PDE4D: variants seen among roughly 807,000 people sequenced by gnomAD.
PDE4D encodes the protein 3',5'-cyclic-AMP phosphodiesterase 4D.
Under a neutral mutation model 87.4 loss-of-function variants are expected in PDE4D, and 24 were observed. That is an observed-to-expected ratio of 0.27 (90% CI 0.20 to 0.39). PDE4D has a LOEUF of 0.39. Among genes scored for constraint, PDE4D ranks in the 10% least tolerant of loss-of-function variants. The pLI is 1.00. For synonymous variants in PDE4D, 384 were observed against 383.2 expected (o/e 1.00, Z -0.02); for missense variants, 714 against 1,041.0 (o/e 0.69, Z 4.32).
At chr5:59,668,804 A>G (rs868831121) in intron 1 of PDE4D, among the ~76,000 whole-genome samples, 6 of 108,206 alleles carry the variant, frequency 5.5e-5, no homozygotes, top group East Asian at 2.5e-4. Context: ...GAAGAAGAAG[A>G]AAGAAGAAGA....
rs200652041 is a variant in PDE4D, at chr5:60,305,035, C to CTATATA, written c.-89-119349_-89-119348insTATATA. The stretch of plus-strand genomic sequence containing the variant: ...ATTCTCTAGTTATTTTAGTTTTGAG[C>CTATATA]TATACACACACACACACACACACAC... On this transcript the variant is annotated intron_variant, in intron 1 of 16. Coordinates refer to the PDE4D transcript ENST00000502484. 4.1e-3 allele frequency among the ~76,000 whole-genome samples: 456 copies of CTATATA among 111,578 alleles called. 3 individuals carry two copies. Among genetic ancestry groups the CTATATA allele is most frequent in the African/African-American group, 0.013 (428 of 31,966 alleles). The allele number at this position is 111,578 out of a possible 152,430, so 73.2% of individuals were successfully genotyped here.
At chr5:59,681,339 C>T (rs1379083506) in intron 1 of PDE4D, among the ~76,000 whole-genome samples, 2 of 152,134 alleles carry the variant, frequency 1.3e-5, no homozygotes, top group Non-Finnish European at 2.9e-5. Flanking sequence ...GAATTCATGA[C>T]TCCACACAGA....
chr5:59,366,115 C>A (rs560120123), intron 1 of PDE4D, among the ~76,000 whole-genome samples: 65 of 152,114 alleles, frequency 4.3e-4, no homozygotes, highest in Admixed American at 7.2e-4. Context: ...TGTGTATCTA[C>A]TGTTTAGATT....
At chr5:59,091,421 C>T (rs189141564) in intron 5 of PDE4D, among the ~76,000 whole-genome samples, 450 of 152,130 alleles carry the variant, frequency 3.0e-3, no homozygotes, top group Admixed American at 6.5e-3. Flanking sequence ...ATTGTGGTTC[C>T]TTTATACAAC....
At chr5:60,189,376 T>C (rs577783542) in intron 1 of PDE4D, among the ~76,000 whole-genome samples, 14 of 152,294 alleles carry the variant, frequency 9.2e-5, no homozygotes, top group African/African-American at 3.4e-4. Context: ...ATGAAATAAG[T>C]TCTACTTTCA....
chr5:59,043,990 A>G (rs1448035643), intron 5 of PDE4D, among the ~76,000 whole-genome samples: 2 of 152,108 alleles, frequency 1.3e-5, no homozygotes, highest in Admixed American at 6.5e-5. Context: ...AGTCTTTGCT[A>G]TTGTGAATAG....
intron 1 of PDE4D, among the ~76,000 whole-genome samples, chr5:60,206,217 C>G (rs2149558778): frequency 6.6e-6 from 1 of 152,326 alleles, no homozygotes; most frequent in East Asian, 1.9e-4. Context: ...CTTTTGCCAC[C>G]TTTAATCTGA....
At chr5:59,476,080 C>T (rs988582365) in intron 1 of PDE4D, among the ~76,000 whole-genome samples, 1 of 152,018 alleles carries the variant, frequency 6.6e-6, no homozygotes, top group African/African-American at 2.4e-5. Flanking sequence ...CGAGTTTCCT[C>T]CCACCAACCT....
chr5:60,318,158 C>T lies in PDE4D; in HGVS notation c.-89-132471G>A, dbSNP rs573887977. Among the ~76,000 whole-genome samples, 7 of 152,296 alleles carry T rather than the reference C, an allele frequency of 4.6e-5. No individual in the cohort carries two copies. In the South Asian group the frequency reaches 1.5e-3, roughly 32 times the overall value. ...GTCTCTAAGGACTTGCTTTATGAATCTGGGTACTCCTGTATTAGGTGCATA... is the reference window on the plus strand; with the variant it reads ...GTCTCTAAGGACTTGCTTTATGAATTTGGGTACTCCTGTATTAGGTGCATA... On this transcript the variant is annotated intron_variant, in intron 1 of 16. Coordinates refer to the PDE4D transcript ENST00000502484.
intron 1 of PDE4D, among the ~76,000 whole-genome samples, chr5:60,225,792 T>G (rs1213912603): frequency 6.6e-6 from 1 of 152,078 alleles, no homozygotes; most frequent in Non-Finnish European, 1.5e-5. Context: ...AGAATAAAAA[T>G]CTTATGAGAT....
At chr5:59,936,588 G>A (rs1344947663) in intron 3 of PDE4D, among the ~76,000 whole-genome samples, 1 of 152,134 alleles carries the variant, frequency 6.6e-6, no homozygotes, top group Non-Finnish European at 1.5e-5. Flanking sequence ...GATAATAACT[G>A]GGTTCTGAGA....
At chr5:59,979,740 G>A (rs1487991451) in intron 3 of PDE4D, among the ~76,000 whole-genome samples, 1 of 152,074 alleles carries the variant, frequency 6.6e-6, no homozygotes, top group African/African-American at 2.4e-5. Context: ...CTTTCAACTG[G>A]AGGGCAGATT....
intron 1 of PDE4D, among the ~76,000 whole-genome samples, chr5:59,469,496 T>C (rs1160490448): frequency 6.6e-6 from 1 of 152,218 alleles, no homozygotes; most frequent in Non-Finnish European, 1.5e-5. Context: ...AGATACGATG[T>C]CTTTGACTGT....
chr5:59,888,349 G>A (rs144662701), intron 1 of PDE4D, among the ~76,000 whole-genome samples: 2 of 152,226 alleles, frequency 1.3e-5, no homozygotes, highest in Non-Finnish European at 2.9e-5. Flanking sequence ...ATGTAAAAAG[G>A]TGATGGATTC....
intron 2 of PDE4D, among the ~76,000 whole-genome samples, chr5:60,087,038 C>T (rs1255790062): frequency 6.6e-6 from 1 of 152,212 alleles, no homozygotes; most frequent in East Asian, 1.9e-4. Context: ...CTGGTACTCA[C>T]CTGTCTTTAC....
At chr5:59,954,685 C>T (rs1349413979) in intron 3 of PDE4D, among the ~76,000 whole-genome samples, 1 of 152,136 alleles carries the variant, frequency 6.6e-6, no homozygotes, top group Admixed American at 6.5e-5. Flanking sequence ...TTCAGGATAT[C>T]CCTACCATGT....
chr5:59,268,501 C>A (rs907338659), intron 1 of PDE4D, among the ~76,000 whole-genome samples: 2 of 151,998 alleles, frequency 1.3e-5, no homozygotes, highest in African/African-American at 4.8e-5. Flanking sequence ...CCCAGCCCTT[C>A]CCATAGGCAC....
chr5:59,198,466 G>A (rs1039225358), intron 2 of PDE4D, among the ~76,000 whole-genome samples: 2 of 152,194 alleles, frequency 1.3e-5, no homozygotes, highest in African/African-American at 4.8e-5. Flanking sequence ...AGGTCACTGT[G>A]GGAGTCAGTG....
At chr5:59,041,017 A>C (rs917129510) in intron 5 of PDE4D, among the ~76,000 whole-genome samples, 1 of 152,020 alleles carries the variant, frequency 6.6e-6, no homozygotes, top group Non-Finnish European at 1.5e-5. Context: ...CACTTTGAGT[A>C]CTCTAGGTTA....
Sources: gnomAD v4.1 joint callset for allele counts (sites outside exome capture counted in the v4.1 genomes callset) on GRCh38, gnomAD v4.1.1 for gene constraint, MANE v1.5 for transcripts, NCBI Gene and HGNC (gene_info 2026-07-23, HGNC 2026-07-21) for gene names.